The following WDR17 variants were observed in gnomAD, a reference collection of about 807,000 sequenced individuals.
WDR17 encodes WD repeat-containing protein 17.
In WDR17, 143 loss-of-function variants were observed where a neutral mutation model predicts 161.7. The ratio of observed to expected loss-of-function variants is 0.88; its 90% CI spans 0.77 to 1.02. WDR17 has a LOEUF of 1.02. Among genes scored for constraint, WDR17 ranks in the 50% least tolerant of loss-of-function variants. The pLI, the probability that WDR17 is intolerant of heterozygous loss-of-function variation, is 0.00. For synonymous variants in WDR17, 517 were observed against 515.6 expected, an observed-to-expected ratio of 1.00 and a Z score of -0.04; for missense variants, 1,469 against 1,520.9, an observed-to-expected ratio of 0.97 and a Z score of 0.57.
intron 2 of WDR17, among the ~76,000 whole-genome samples, chr4:176,114,749 G>A (rs1740321629): frequency 1.3e-5 from 2 of 151,798 alleles, no homozygotes; most frequent in Non-Finnish European, 2.9e-5. Flanking sequence ...GATAGGTTCT[G>A]GGGCGAGTTA....
intron 18 of WDR17, among the ~76,000 whole-genome samples, chr4:176,158,977 A>AC (rs1748580552): frequency 1.3e-5 from 2 of 152,350 alleles, no homozygotes; most frequent in Admixed American, 6.5e-5. Context: ...AATCAAAGTC[A>AC]CATAGTAAAA....
intron 9 of WDR17, among the ~76,000 whole-genome samples, chr4:176,138,989 C>G (rs1744838727): frequency 1.3e-5 from 2 of 151,714 alleles, no homozygotes; most frequent in South Asian, 2.1e-4. Flanking sequence ...TGACAGAAGG[C>G]CTCCACCCTA....
chr4:176,157,051 A>G (rs780388983), intron 18 of WDR17, among the ~76,000 whole-genome samples: 2 of 152,138 alleles, frequency 1.3e-5, no homozygotes, highest in Non-Finnish European at 2.9e-5. Flanking sequence ...CTATTTCCAT[A>G]TATGGTTACA....
chr4:176,076,036 T>A (rs1287329853), intron 1 of WDR17, among the ~76,000 whole-genome samples: 1 of 151,912 alleles, frequency 6.6e-6, no homozygotes, highest in African/African-American at 2.4e-5. Flanking sequence ...ATTATATCAC[T>A]GAATTTGGGA....
chr4:176,068,953 T>A (rs903250720), intron 1 of WDR17, among the ~76,000 whole-genome samples: 3 of 152,162 alleles, frequency 2.0e-5, no homozygotes, highest in Non-Finnish European at 4.4e-5. Context: ...ACTTTGGTAA[T>A]AAAAATTGGT....
intron 2 of WDR17, among the ~76,000 whole-genome samples, chr4:176,114,675 A>T (rs1289021145): frequency 6.6e-6 from 1 of 151,730 alleles, no homozygotes; most frequent in Non-Finnish European, 1.5e-5. Flanking sequence ...AATAGGTAAA[A>T]TTTTCAGAAA....
intron 1 of WDR17, among the ~76,000 whole-genome samples, chr4:176,072,035 T>C (rs1015300814): frequency 6.6e-6 from 1 of 152,206 alleles, no homozygotes; most frequent in African/African-American, 2.4e-5. Flanking sequence ...ATGACCTCAT[T>C]CTTCTCTACT....
At chr4:176,123,317 A>G (rs1313037317) in intron 4 of WDR17, among the ~76,000 whole-genome samples, 3 of 152,176 alleles carry the variant, frequency 2.0e-5, no homozygotes, top group African/African-American at 7.2e-5. Flanking sequence ...TTCTCCACAC[A>G]TGAAGCAAGC....
At chr4:176,124,472 G>T (rs1742121439) in intron 4 of WDR17, among the ~76,000 whole-genome samples, 1 of 152,152 alleles carries the variant, frequency 6.6e-6, no homozygotes, top group South Asian at 2.1e-4. Flanking sequence ...AATGAGAAAG[G>T]AATAATAGTA....
chr4:176,162,216 T>C lies in WDR17; in HGVS notation c.2850+42T>C, dbSNP rs372786317. ...TGGTTTATGTGAATGAAAAGTTTTTTAGATATGTCATGGTGTTTGAGAGGA... is the reference window on the plus strand; with the variant it reads ...TGGTTTATGTGAATGAAAAGTTTTTCAGATATGTCATGGTGTTTGAGAGGA... On this transcript the variant is annotated intron_variant, in intron 21 of 28. Coordinates refer to ENST00000508596, the MANE Select transcript of WDR17 (RefSeq NM_181265.4). 1,973 of 1,566,050 alleles carry C rather than the reference T, an allele frequency of 1.3e-3. 2 individuals are homozygous for C. The highest frequency in any genetic ancestry group is 1.6e-3 in the Non-Finnish European group (1,792 of 1,143,704).
intron 22 of WDR17, 97 bp from the exon 23 acceptor site, chr4:176,168,575 G>A (rs1451415129): frequency 1.9e-5 from 27 of 1,403,670 alleles, no homozygotes; most frequent in Non-Finnish European, 2.9e-6. Context: ...AAAAGCAAGA[G>A]TGGTATATTA....
intron 18 of WDR17, among the ~76,000 whole-genome samples, chr4:176,159,313 GGAGAGAGA>G (rs149384853): frequency 1.4e-5 from 2 of 143,778 alleles, no homozygotes; most frequent in African/African-American, 5.2e-5. Flanking sequence ...ACACACAGAT[GGAGAGAGA>G]GAGAGAGAGA....
At chr4:176,177,009 A>G (rs1237382984) in intron 26 of WDR17, 49 bp from the exon 27 acceptor site, 1 of 1,332,358 alleles carries the variant, frequency 7.5e-7, no homozygotes, top group East Asian at 2.3e-5. Flanking sequence ...GCTTTTTCTG[A>G]TATCTTAGTT....
rs754224715 is a variant in WDR17 at position 176,135,222 on chromosome 4, G to T, written c.1213G>T (p.Val405Leu). ...KVWDINTLTA[V>L]YTSPGNEGVI... ...CTGGGATATAAACACATTAACAGCA[G>T]TGTACACATCCCCGGGTAATGAAGG... Residue 405 changes from valine to leucine, a missense_variant, in exon 8 of 29, where the codon GTG becomes TTG. Coordinates refer to ENST00000508596, the MANE Select transcript of WDR17 (RefSeq NM_181265.4). 5 of 1,612,366 alleles carry T rather than the reference G, an allele frequency of 3.1e-6. No individual in the cohort carries two copies. The highest frequency in any genetic ancestry group is 4.2e-6 in the Non-Finnish European group (5 of 1,178,682).
intron 16 of WDR17, among the ~76,000 whole-genome samples, chr4:176,151,304 T>A (rs1747066471): frequency 6.6e-6 from 1 of 152,162 alleles, no homozygotes; most frequent in Non-Finnish European, 1.5e-5. Flanking sequence ...GTATATTACT[T>A]TATCATTACC....
Position 176,119,923 on chromosome 4 carries a change from T to C in WDR17, c.364T>C (p.Ser122Pro). The C allele has an allele frequency of 5.0e-6, 8 of 1,614,106 alleles. No homozygotes were observed. The highest frequency in any genetic ancestry group is 6.8e-6 in the Non-Finnish European group (8 of 1,179,994). The change falls in exon 4 of 29, where the codon TCC becomes CCC. Residue 122 changes from serine to proline, a missense_variant. Ser to Pro is a moderately conservative substitution (Grantham distance 74, BLOSUM62 -1). Transcript: ENST00000508596. ...TGCAGAGGATGTGGTGGCATTTGTT[T>C]CCCACAGAGGCCCACTGTTCATTTG... ...WNAEDVVAFV[S>P]HRGPLFIWTI... is the part of the protein sequence containing the mutation.
chr4:176,163,693 C>T (rs1008234389), intron 22 of WDR17, among the ~76,000 whole-genome samples: 1 of 152,106 alleles, frequency 6.6e-6, no homozygotes, highest in Non-Finnish European at 1.5e-5. Context: ...TATAAAGCAA[C>T]AACAAAAAAT....
Position 176,066,066 on chromosome 4 carries a change from G to GCCT in WDR17, c.-11_-9dup, listed in dbSNP as rs899961466. On this transcript the variant is annotated 5_prime_UTR_variant, in exon 1 of 29. Coordinates refer to ENST00000508596, the MANE Select transcript of WDR17 (RefSeq NM_181265.4). Reference sequence around the variant, plus strand: ...CCTTCCGCTGTCCGCCGCTGCAGCCGCCTCCTCCTCCAGGTAAGAAGCCGG... The same window carrying GCCT: ...CCTTCCGCTGTCCGCCGCTGCAGCCGCCTCCTCCTCCTCCAGGTAAGAAGCCGG... 2.0e-5 allele frequency: 3 copies of GCCT among 152,402 alleles called. No homozygotes were observed. The highest frequency in any genetic ancestry group is 2.0e-4 in the Admixed American group (3 of 15,272). The allele number at this position is 152,402 out of a possible 1,614,324, so 9.4% of individuals were successfully genotyped here. A position where few individuals can be genotyped will look rare whatever the true frequency, so the allele number is the denominator to read the frequency against.
chr4:176,164,033 GCA>G (rs947448771), intron 22 of WDR17, among the ~76,000 whole-genome samples: 9 of 152,140 alleles, frequency 5.9e-5, no homozygotes, highest in African/African-American at 1.9e-4. Flanking sequence ...CAAGTCCCAT[GCA>G]CACACACACC....
Sources: gnomAD v4.1 joint callset for allele counts (sites outside exome capture counted in the v4.1 genomes callset) on GRCh38, gnomAD v4.1.1 for gene constraint, MANE v1.5 for transcripts, NCBI Gene and HGNC (gene_info 2026-07-23, HGNC 2026-07-21) for gene names.